PARD3B: variants seen among roughly 807,000 people sequenced by gnomAD.
The protein encoded by PARD3B is partitioning defective 3 homolog B.
A neutral mutation model predicts 130.2 loss-of-function variants in PARD3B; 103 were observed. The observed-to-expected ratio is 0.79, with a 90% CI of 0.67 to 0.93. The LOEUF (loss-of-function observed/expected upper bound fraction) is 0.93, where lower values mean the gene tolerates loss of function less well. Ranked by LOEUF, PARD3B falls within the 40% of genes least tolerant of loss-of-function variation. PARD3B has a pLI of 0.00. For missense variants in PARD3B, 1,609 were observed against 1,499.2 expected, an observed-to-expected ratio of 1.07 and a Z score of -1.21; for synonymous variants, 583 against 553.2, an observed-to-expected ratio of 1.05 and a Z score of -0.76.
intron 2 of PARD3B, among the ~76,000 whole-genome samples, chr2:204,703,926 T>C (rs1354958810): frequency 6.6e-6 from 1 of 152,178 alleles, no homozygotes; most frequent in Non-Finnish European, 1.5e-5. Context: ...AGGAAGTTAA[T>C]GAGTGCCAAA....
At chr2:205,367,931 T>G (rs1469048304) in intron 18 of PARD3B, among the ~76,000 whole-genome samples, 1 of 152,242 alleles carries the variant, frequency 6.6e-6, no homozygotes, top group Non-Finnish European at 1.5e-5. Flanking sequence ...AATTCCATTG[T>G]TTTAGTTTTA....
At chr2:204,586,430 T>A (rs1452582213) in intron 1 of PARD3B, among the ~76,000 whole-genome samples, 1 of 152,134 alleles carries the variant, frequency 6.6e-6, no homozygotes, top group Non-Finnish European at 1.5e-5. Context: ...CTTGCCCCTG[T>A]TTTGAGGATG....
intron 15 of PARD3B, among the ~76,000 whole-genome samples, chr2:205,214,017 C>G (rs961903295): frequency 6.6e-6 from 1 of 152,022 alleles, no homozygotes; most frequent in Non-Finnish European, 1.5e-5. Context: ...GTGGCCCCTC[C>G]TAGTCTTCTG....
chr2:205,089,097 G>A (rs1435257580), intron 4 of PARD3B, among the ~76,000 whole-genome samples: 3 of 151,382 alleles, frequency 2.0e-5, no homozygotes, highest in Non-Finnish European at 2.9e-5. Flanking sequence ...CACCATGCCC[G>A]GCCTGCAGTG....
intron 5 of PARD3B, 138 bp from the exon 6 acceptor site, chr2:205,113,353 T>G (rs755446920): frequency 1.4e-5 from 7 of 485,184 alleles, no homozygotes; most frequent in Non-Finnish European, 1.8e-5. Context: ...TGTACTCTTT[T>G]GACTTTGAAG....
intron 5 of PARD3B, among the ~76,000 whole-genome samples, chr2:205,110,073 C>T (rs370189779): frequency 6.6e-6 from 1 of 152,190 alleles, no homozygotes. Context: ...TACACTTTCT[C>T]TGTAATTACA....
chr2:204,565,773 C>T (rs2031638185), intron 1 of PARD3B, among the ~76,000 whole-genome samples: 2 of 152,086 alleles, frequency 1.3e-5, no homozygotes, highest in Non-Finnish European at 2.9e-5. Flanking sequence ...TCCCTTCAAG[C>T]AAAAATGGTG....
intron 1 of PARD3B, among the ~76,000 whole-genome samples, chr2:204,570,073 A>G (rs1241459573): frequency 6.6e-6 from 1 of 152,172 alleles, no homozygotes; most frequent in East Asian, 1.9e-4. Context: ...GCTGATCATT[A>G]CTGTTGGAGT....
At chr2:204,727,758 A>G (rs539516768) in intron 2 of PARD3B, among the ~76,000 whole-genome samples, 23 of 152,302 alleles carry the variant, frequency 1.5e-4, no homozygotes, top group African/African-American at 5.1e-4. Context: ...ATTGAGCTTC[A>G]TGCTTCCAGA....
chr2:205,401,547 G>C (rs943612135), intron 19 of PARD3B, among the ~76,000 whole-genome samples: 4 of 152,114 alleles, frequency 2.6e-5, no homozygotes, highest in African/African-American at 9.7e-5. Flanking sequence ...TTTGAGAAGT[G>C]AATGTCCTTC....
Position 205,183,179 on chromosome 2 carries a change from T to C in PARD3B, c.1925-2585T>C, listed in dbSNP as rs2035888261. The stretch of plus-strand genomic sequence containing the variant: ...GGTTTTGCAGTTACATAAGCAAAGA[T>C]ACTGAGGCAGGAACACCCAGGGGTG... On this transcript the variant is annotated intron_variant, in intron 13 of 22. Transcript: ENST00000406610. The surrounding 1 kb of genome is among the most constrained non-coding windows in gnomAD (Gnocchi z 5.2). Among the ~76,000 whole-genome samples, 1 of 152,116 alleles carries C rather than the reference T, an allele frequency of 6.6e-6. No homozygotes were observed. Among genetic ancestry groups the C allele is most frequent in the Non-Finnish European group, 1.5e-5 (1 of 68,018 alleles).
At chr2:205,025,379 G>A (rs143970431) in intron 3 of PARD3B, among the ~76,000 whole-genome samples, 9 of 152,296 alleles carry the variant, frequency 5.9e-5, no homozygotes, top group Non-Finnish European at 8.8e-5. Flanking sequence ...AGATCTGACC[G>A]TGTGACACAT....
chr2:205,373,971 A>C (rs2044927051), intron 18 of PARD3B, among the ~76,000 whole-genome samples: 1 of 152,140 alleles, frequency 6.6e-6, no homozygotes. Flanking sequence ...GTCTTCTATA[A>C]ACTTTCCATA....
At chr2:205,009,225 C>T (rs1695513269) in intron 3 of PARD3B, among the ~76,000 whole-genome samples, 1 of 152,086 alleles carries the variant, frequency 6.6e-6, no homozygotes, top group African/African-American at 2.4e-5. Flanking sequence ...ATTTAACATT[C>T]TGAGCTGACT....
intron 1 of PARD3B, among the ~76,000 whole-genome samples, chr2:204,648,551 T>C (rs1319991281): frequency 7.4e-6 from 1 of 135,130 alleles, no homozygotes; most frequent in Non-Finnish European, 1.5e-5. Context: ...ATATAAAGCT[T>C]TAAAATATAT....
chr2:204,833,041 T>G (rs1374787278), intron 2 of PARD3B, among the ~76,000 whole-genome samples: 1 of 152,128 alleles, frequency 6.6e-6, no homozygotes, highest in Non-Finnish European at 1.5e-5. Context: ...AGAAGAAAAT[T>G]TATAACATTG....
At chr2:205,437,721 T>C (rs539769997) in intron 19 of PARD3B, among the ~76,000 whole-genome samples, 8 of 152,076 alleles carry the variant, frequency 5.3e-5, no homozygotes, top group African/African-American at 1.7e-4. Flanking sequence ...AGAGGTGTTA[T>C]GGAGAAAAGA....
chr2:205,374,487 C>T (rs1381218312), intron 18 of PARD3B, among the ~76,000 whole-genome samples: 2 of 152,164 alleles, frequency 1.3e-5, no homozygotes, highest in Non-Finnish European at 2.9e-5. Flanking sequence ...CCTGCCTCAG[C>T]CTCCCAAAGT....
intron 2 of PARD3B, among the ~76,000 whole-genome samples, chr2:204,873,505 T>C (rs1316944131): frequency 6.6e-6 from 1 of 152,058 alleles, no homozygotes; most frequent in Non-Finnish European, 1.5e-5. Flanking sequence ...AGCACGTATT[T>C]TGTGCCAGAC....
Sources: gnomAD v4.1 joint callset for allele counts (sites outside exome capture counted in the v4.1 genomes callset) on GRCh38, gnomAD v4.1.1 for gene constraint, Gnocchi (gnomAD v3.1) non-coding constraint, MANE v1.5 for transcripts, NCBI Gene and HGNC (gene_info 2026-07-23, HGNC 2026-07-21) for gene names.